The following SLC13A1 variants were observed in gnomAD, a reference collection of about 807,000 sequenced individuals.
SLC13A1 encodes the protein Na(+)/sulfate cotransporter.
A neutral mutation model predicts 70.0 loss-of-function variants in SLC13A1; 65 were observed. The observed-to-expected ratio is 0.93, with a 90% CI of 0.76 to 1.14. SLC13A1 has a LOEUF of 1.14. Among genes scored for constraint, SLC13A1 ranks in the 50% most tolerant of loss-of-function variants. The probability of loss-of-function intolerance (pLI) is 0.00; values close to 1 mark genes in which losing one functional copy is unlikely to be tolerated. For missense variants in SLC13A1, 726 were observed against 717.8 expected, an observed-to-expected ratio of 1.01 and a Z score of -0.13; for synonymous variants, 275 against 250.5, an observed-to-expected ratio of 1.10 and a Z score of -0.92.
At chr7:123,164,131 A>G (rs950283581) in intron 6 of SLC13A1, among the ~76,000 whole-genome samples, 4 of 152,070 alleles carry the variant, frequency 2.6e-5, no homozygotes, top group African/African-American at 9.7e-5. Flanking sequence ...GAGGAAGGAT[A>G]TGGGATATGG....
chr7:123,162,177 G>A (rs1044463581), intron 6 of SLC13A1, among the ~76,000 whole-genome samples: 2 of 151,956 alleles, frequency 1.3e-5, no homozygotes, highest in Non-Finnish European at 1.5e-5. Flanking sequence ...ATATGGCTGA[G>A]CTTATGCTAT....
At chr7:123,177,745 A>G (rs1795496948) in intron 2 of SLC13A1, among the ~76,000 whole-genome samples, 1 of 152,072 alleles carries the variant, frequency 6.6e-6, no homozygotes, top group African/African-American at 2.4e-5. Context: ...GTCTAACCTG[A>G]CCATCTTATT....
intron 14 of SLC13A1, among the ~76,000 whole-genome samples, chr7:123,116,959 T>G (rs1382585072): frequency 6.6e-6 from 1 of 152,208 alleles, no homozygotes; most frequent in African/African-American, 2.4e-5. Flanking sequence ...AAATTCTTAC[T>G]TATTGTTTGC....
chr7:123,136,468 T>G (rs1793952256), intron 7 of SLC13A1, among the ~76,000 whole-genome samples: 1 of 152,182 alleles, frequency 6.6e-6, no homozygotes, highest in South Asian at 2.1e-4. Context: ...GATGTTCCTT[T>G]TCCCACTCTT....
chr7:123,158,316 A>G (rs1488549651), intron 6 of SLC13A1, among the ~76,000 whole-genome samples: 1 of 152,046 alleles, frequency 6.6e-6, no homozygotes, highest in African/African-American at 2.4e-5. Context: ...ATCTTAAGAC[A>G]AATAGAGTTT....
rs531033364 is a variant in SLC13A1, at chr7:123,157,004, G to A, written c.661-9694C>T. Reference sequence around the variant, plus strand: ...TGGAGAAAATCCCTTGGCTAAGCTCGCTGGTGCTGTGAGAAATCCACAACC... The same window carrying A: ...TGGAGAAAATCCCTTGGCTAAGCTCACTGGTGCTGTGAGAAATCCACAACC... On this transcript the variant is annotated intron_variant, in intron 6 of 14. Coordinates refer to ENST00000194130, the MANE Select transcript of SLC13A1 (RefSeq NM_022444.4). 5.9e-5 allele frequency among the ~76,000 whole-genome samples: 9 copies of A among 152,136 alleles called. No homozygotes were observed. The South Asian group carries it at 6.2e-4, about 11-fold the overall frequency.
intron 2 of SLC13A1, among the ~76,000 whole-genome samples, chr7:123,174,030 A>G (rs1585379224): frequency 8.6e-6 from 1 of 115,636 alleles, no homozygotes; most frequent in Non-Finnish European, 1.8e-5. Flanking sequence ...TTTTTTTTCT[A>G]ACTTTGAAAA....
intron 7 of SLC13A1, among the ~76,000 whole-genome samples, chr7:123,138,956 T>C (rs1794042992): frequency 1.3e-5 from 2 of 152,266 alleles, no homozygotes; most frequent in Non-Finnish European, 2.9e-5. Context: ...TTTGGTTGCC[T>C]GGGCTTGTGG....
At chr7:123,165,501 C>T (rs1795040308) in intron 6 of SLC13A1, among the ~76,000 whole-genome samples, 1 of 152,144 alleles carries the variant, frequency 6.6e-6, no homozygotes, top group Non-Finnish European at 1.5e-5. Context: ...GAGGCATCTC[C>T]TACATTTTTT....
intron 1 of SLC13A1, among the ~76,000 whole-genome samples, chr7:123,185,880 T>A (rs1795780896): frequency 6.6e-6 from 1 of 152,096 alleles, no homozygotes; most frequent in South Asian, 2.1e-4. Flanking sequence ...TTCTCATTAG[T>A]ATTTCCTTTC....
intron 8 of SLC13A1, among the ~76,000 whole-genome samples, chr7:123,133,370 T>C (rs973841734): frequency 2.0e-5 from 3 of 152,120 alleles, no homozygotes; most frequent in African/African-American, 7.2e-5. Context: ...TGTAAGTAGC[T>C]TGATAACCCA....
chr7:123,137,427 C>T (rs1010999657), intron 7 of SLC13A1, among the ~76,000 whole-genome samples: 4 of 152,100 alleles, frequency 2.6e-5, no homozygotes, highest in African/African-American at 7.2e-5. Flanking sequence ...CGAACTATCC[C>T]GGGTAGGCCT....
chr7:123,150,281 A>G (rs1322549264), intron 6 of SLC13A1, among the ~76,000 whole-genome samples: 2 of 152,126 alleles, frequency 1.3e-5, no homozygotes, highest in Non-Finnish European at 2.9e-5. Context: ...CCAGCAGACA[A>G]TGGTATCACT....
intron 11 of SLC13A1, 29 bp downstream of exon 11, chr7:123,125,540 T>G (rs1432381164): frequency 6.6e-7 from 1 of 1,506,990 alleles, no homozygotes; most frequent in African/African-American, 1.4e-5. Context: ...TTCTGTTAAA[T>G]TTATGCAGAA....
Position 123,169,325 on chromosome 7 carries a change from C to A in SLC13A1, c.376G>T (p.Gly126Trp), listed in dbSNP as rs2116548112. 1.2e-6 allele frequency: 2 copies of A among 1,611,928 alleles called. No homozygotes were observed. Among genetic ancestry groups the A allele is most frequent in the East Asian group, 4.5e-5 (2 of 44,874 alleles). ...VGVNPAWLTLGFMSSTAFLSM... is the reference protein window; with the variant it reads ...VGVNPAWLTLWFMSSTAFLSM... ...AAAAAGGCAGTGCTGCTCATGAACC[C>A]CAGCGTCAGCCTGAAACCAGAGAGC... Residue 126 changes from glycine (G) to tryptophan (W), a missense_variant, in exon 4 of 15, where the codon GGG (glycine) becomes TGG (tryptophan). Gly to Trp is a radical substitution (Grantham distance 184). Coordinates refer to ENST00000194130, the MANE Select transcript of SLC13A1 (RefSeq NM_022444.4).
chr7:123,146,950 A>G (rs1794374746), intron 7 of SLC13A1, among the ~76,000 whole-genome samples: 1 of 152,194 alleles, frequency 6.6e-6, no homozygotes, highest in Admixed American at 6.5e-5. Context: ...TGACCTGGGA[A>G]ATCTGTTGGC....
intron 7 of SLC13A1, among the ~76,000 whole-genome samples, chr7:123,139,018 G>A (rs2462144): frequency 0.61 from 92,164 of 151,882 alleles, 28,147 homozygotes; most frequent in African/African-American, 0.67. Flanking sequence ...GAGTTTAACC[G>A]ATGTTTTCTT....
intron 7 of SLC13A1, among the ~76,000 whole-genome samples, chr7:123,140,025 A>G (rs1563326681): frequency 6.6e-6 from 1 of 152,026 alleles, no homozygotes; most frequent in East Asian, 1.9e-4. Context: ...TTTTTTACCC[A>G]TTCAGTATAA....
At chr7:123,195,394 G>A (rs1210245930) in intron 1 of SLC13A1, among the ~76,000 whole-genome samples, 1 of 151,310 alleles carries the variant, frequency 6.6e-6, no homozygotes, top group African/African-American at 2.4e-5. Context: ...ATTTTATTTG[G>A]CTCTTTAAAA....
Sources: allele counts gnomAD v4.1 joint callset (sites outside exome capture counted in the v4.1 genomes callset), GRCh38; gene constraint gnomAD v4.1.1; transcripts MANE v1.5; gene names NCBI Gene and HGNC (gene_info 2026-07-23, HGNC 2026-07-21).